MSN: variants seen among roughly 807,000 people sequenced by gnomAD.
MSN encodes epididymis luminal protein 70.
MSN carries 2 observed loss-of-function variants against 48.0 expected under a neutral mutation model. The observed-to-expected ratio is 0.04, with a 90% CI of 0.02 to 0.13. MSN has a LOEUF of 0.13. MSN is among the 10% of genes least tolerant of loss of function. MSN has a pLI of 1.00. For missense variants in MSN, 267 were observed against 470.1 expected (o/e 0.57, Z 3.99); for synonymous variants, 146 against 166.9 (o/e 0.87, Z 0.97).
At chrX:65,699,603 G>A (rs2071280451) in intron 1 of MSN, among the ~76,000 whole-genome samples, 1 of 109,854 alleles carries the variant, frequency 9.1e-6, no homozygotes, top group African/African-American at 3.3e-5. Context: ...AAAAAAAATA[G>A]CTGGGTGTGG....
intron 1 of MSN, among the ~76,000 whole-genome samples, chrX:65,595,904 G>A (rs943537935): frequency 9.0e-6 from 1 of 111,682 alleles, no homozygotes; most frequent in East Asian, 2.8e-4. Context: ...TGAAACACAC[G>A]GCCAAGCATC....
intron 1 of MSN, among the ~76,000 whole-genome samples, chrX:65,679,099 G>A (rs1298075337): frequency 9.0e-6 from 1 of 111,637 alleles, no homozygotes; most frequent in Non-Finnish European, 1.9e-5. Flanking sequence ...TCACTGTGGA[G>A]ATTCTGGCTT....
intron 1 of MSN, among the ~76,000 whole-genome samples, chrX:65,612,699 TACAG>T (rs2070330774): frequency 9.1e-6 from 1 of 109,375 alleles, no homozygotes; most frequent in Admixed American, 9.9e-5. Context: ...TAGCTAGGAC[TACAG>T]ACACATGCCC....
intron 1 of MSN, among the ~76,000 whole-genome samples, chrX:65,658,488 C>A (rs1345189930): frequency 8.9e-6 from 1 of 112,224 alleles, no homozygotes; most frequent in Non-Finnish European, 1.9e-5. Context: ...AAGGACTTTC[C>A]AACAATGATG....
chrX:65,649,010 G>A (rs1040211696), intron 1 of MSN, among the ~76,000 whole-genome samples: 5 of 110,591 alleles, frequency 4.5e-5, no homozygotes, highest in African/African-American at 1.6e-4. Flanking sequence ...TCCGTAAGTG[G>A]CCAAGTGAAC....
chrX:65,688,059 A>T (rs1288325760), intron 1 of MSN, among the ~76,000 whole-genome samples: 1 of 111,874 alleles, frequency 8.9e-6, no homozygotes, highest in East Asian at 2.8e-4. Flanking sequence ...ATGCGAATTG[A>T]AGGAATCTCT....
chrX:65,690,432 G>A (rs1022570652), intron 1 of MSN, among the ~76,000 whole-genome samples: 4 of 111,942 alleles, frequency 3.6e-5, no homozygotes, highest in African/African-American at 1.3e-4. Flanking sequence ...AGTGCTGGAG[G>A]AAGGGGTGGG....
intron 1 of MSN, among the ~76,000 whole-genome samples, chrX:65,656,832 A>G (rs2070785175): frequency 9.0e-6 from 1 of 110,978 alleles, no homozygotes; most frequent in Admixed American, 9.6e-5. Flanking sequence ...TGCAGTGAGT[A>G]GCCCAGCTAG....
intron 1 of MSN, among the ~76,000 whole-genome samples, chrX:65,592,786 A>G (rs2070158280): frequency 9.1e-6 from 1 of 110,429 alleles, no homozygotes; most frequent in African/African-American, 3.3e-5. Flanking sequence ...CACACCTGTA[A>G]TCCCAGCACT....
intron 1 of MSN, among the ~76,000 whole-genome samples, chrX:65,591,103 G>A (rs919597241): frequency 3.6e-5 from 4 of 111,358 alleles, no homozygotes; most frequent in African/African-American, 6.5e-5. Context: ...AAGCTGGTTC[G>A]TCTCCTGGGC....
intron 2 of MSN, among the ~76,000 whole-genome samples, chrX:65,721,115 G>A (rs907895476): frequency 1.8e-5 from 2 of 111,802 alleles, no homozygotes; most frequent in African/African-American, 6.5e-5. Flanking sequence ...CACCATCTCT[G>A]TTCTTCAGGA....
At chrX:65,721,757 C>A (rs762653175) in intron 2 of MSN, among the ~76,000 whole-genome samples, 2 of 111,490 alleles carry the variant, frequency 1.8e-5, no homozygotes, top group Non-Finnish European at 3.8e-5. Flanking sequence ...TCCTCTGGAA[C>A]CTTCTTCCAC....
chrX:65,672,626 G>C (rs1240948448), intron 1 of MSN, among the ~76,000 whole-genome samples: 1 of 111,776 alleles, frequency 8.9e-6, no homozygotes, highest in African/African-American at 3.3e-5. Flanking sequence ...TCACTGAACT[G>C]AGAATTTTTC....
chrX:65,712,848 T>C (rs2071427455), intron 1 of MSN, among the ~76,000 whole-genome samples: 2 of 111,824 alleles, frequency 1.8e-5, no homozygotes, highest in African/African-American at 6.5e-5. Flanking sequence ...ATCAATCTTT[T>C]TTTTCTTTTA....
intron 1 of MSN, among the ~76,000 whole-genome samples, chrX:65,640,131 C>T (rs2070637601): frequency 8.9e-6 from 1 of 111,885 alleles, no homozygotes; most frequent in Non-Finnish European, 1.9e-5. Context: ...AGTGTGGGGA[C>T]TCAAAATGCA....
chrX:65,735,342 T>C lies in MSN; in HGVS notation c.871T>C (p.Tyr291His). ...CTTGTGCATGGGGAACCATGAACTA[T>C]ACATGCGCCGTCGCAAGCCTGATAC... ...LALCMGNHEL[Y>H]MRRRKPDTIE... The change falls in exon 8 of 13, where the codon TAC (tyrosine) becomes CAC (histidine). Residue 291 changes from tyrosine to histidine, a missense_variant. Transcript: ENST00000360270. The C allele has an allele frequency of 1.7e-6, 2 of 1,209,955 alleles. No homozygotes were observed. Among genetic ancestry groups the C allele is most frequent in the Non-Finnish European group, 1.1e-6 (1 of 894,630 alleles).
Position 65,607,910 on chromosome X carries a change from C to G in MSN, c.-22+19298C>G, listed in dbSNP as rs942956930. Among the ~76,000 whole-genome samples the G allele has an allele frequency of 2.7e-5, 3 of 111,483 alleles. No homozygotes were observed. The East Asian group carries it at 8.5e-4, about 32-fold the overall frequency. Reference sequence around the variant, plus strand: ...GGTTGAGGCAGGAGGATCACTTGAGCCCAAGTGATCTGCCCAAGTGAGCCC... The same window carrying G: ...GGTTGAGGCAGGAGGATCACTTGAGGCCAAGTGATCTGCCCAAGTGAGCCC... On this transcript the variant is annotated intron_variant, in intron 1 of 3. Transcript: ENST00000609672.
chrX:65,679,897 A>G (rs1394633620), intron 1 of MSN, among the ~76,000 whole-genome samples: 1 of 112,593 alleles, frequency 8.9e-6, no homozygotes, highest in Non-Finnish European at 1.9e-5. Flanking sequence ...TAACCAGAGA[A>G]GCCTTAGTTG....
At position 65,729,571 on chromosome X, in the gene MSN, G is replaced by A. The variant is rs2147511614; in HGVS notation, c.326G>A (p.Gly109Asp). The change falls in exon 4 of 13, where the codon GGC becomes GAC. Residue 109 changes from glycine to aspartate, a missense_variant. By Grantham distance (94) the Gly-to-Asp change is moderately conservative. Around this residue, in one of 5 missense-constraint regions of MSN, gnomAD observed 89 missense variants for 151.0 expected, o/e 0.59. Coordinates refer to ENST00000360270, the MANE Select transcript of MSN (RefSeq NM_002444.3). ...QRLFFLQVKE[G>D]ILNDDIYCPP... ...CTGTTCTTTCTGCAAGTGAAAGAGGGCATTCTCAATGATGATATTTACTGC... is the reference window on the plus strand; with the variant it reads ...CTGTTCTTTCTGCAAGTGAAAGAGGACATTCTCAATGATGATATTTACTGC... The A allele has an allele frequency of 1.7e-6, 2 of 1,211,832 alleles. No homozygotes were observed. Among genetic ancestry groups the A allele is most frequent in the Non-Finnish European group, 2.2e-6 (2 of 895,572 alleles).
Sources: gnomAD v4.1 joint callset for allele counts (sites outside exome capture counted in the v4.1 genomes callset) on GRCh38, gnomAD v4.1.1 for gene constraint, gnomAD v4.1.1 regional missense constraint, MANE v1.5 for transcripts, NCBI Gene and HGNC (gene_info 2026-07-23, HGNC 2026-07-21) for gene names.